The following ZFAND3 variants were observed in gnomAD, a reference collection of about 807,000 sequenced individuals.
The protein encoded by ZFAND3 is AN1-type zinc finger protein 3.
ZFAND3 carries 10 observed loss-of-function variants against 29.6 expected under a neutral mutation model. That is an observed-to-expected ratio of 0.34 (90% CI 0.21 to 0.57). The LOEUF is 0.57. Among genes scored for constraint, ZFAND3 ranks in the 20% least tolerant of loss-of-function variants. The pLI is 0.86. For synonymous variants in ZFAND3, 128 were observed against 112.6 expected, an observed-to-expected ratio of 1.14 and a Z score of -0.87; for missense variants, 230 against 304.5, an observed-to-expected ratio of 0.76 and a Z score of 1.82.
chr6:38,003,118 T>G (rs999571579), intron 2 of ZFAND3: 2 of 153,346 alleles, frequency 1.3e-5, no homozygotes, highest in Admixed American at 6.5e-5. Context: ...ATATAGAGAT[T>G]TGTTGAAAGG....
intron 5 of ZFAND3, among the ~76,000 whole-genome samples, chr6:38,144,211 AATATATAATATATATATATAT>A (rs1766045615): frequency 2.8e-4 from 13 of 45,836 alleles, no homozygotes; most frequent in African/African-American, 5.0e-4. Context: ...ATATATATAT[AATATATAATATATATATATAT>A]TTTTTTTTTA....
intron 4 of ZFAND3, among the ~76,000 whole-genome samples, chr6:38,088,642 A>C (rs1764803351): frequency 1.3e-5 from 2 of 152,208 alleles, no homozygotes; most frequent in South Asian, 4.1e-4. Flanking sequence ...AAGTTTGTGG[A>C]CTTGACAGTA....
At chr6:37,962,638 C>T (rs548616889) in intron 2 of ZFAND3, among the ~76,000 whole-genome samples, 18 of 152,082 alleles carry the variant, frequency 1.2e-4, no homozygotes, top group Admixed American at 3.9e-4. Context: ...CACCAATCAG[C>T]GCTCTGTGTC....
At chr6:37,940,582 C>T (rs752587542) in intron 2 of ZFAND3, among the ~76,000 whole-genome samples, 3 of 152,052 alleles carry the variant, frequency 2.0e-5, no homozygotes, top group Non-Finnish European at 2.9e-5. Context: ...GTTTGATTGG[C>T]TCACAGTTCT....
intron 2 of ZFAND3, among the ~76,000 whole-genome samples, chr6:37,969,576 G>A (rs1310927837): frequency 6.6e-6 from 1 of 152,132 alleles, no homozygotes; most frequent in African/African-American, 2.4e-5. Flanking sequence ...TCAAAGTATG[G>A]TTTCTACTGA....
chr6:37,966,829 A>G (rs979474035), intron 2 of ZFAND3, among the ~76,000 whole-genome samples: 1 of 152,070 alleles, frequency 6.6e-6, no homozygotes, highest in Non-Finnish European at 1.5e-5. Flanking sequence ...ATGCCCCTTT[A>G]TTTCCTTCTG....
At chr6:37,865,144 C>T (rs892972346) in intron 1 of ZFAND3, among the ~76,000 whole-genome samples, 3 of 152,154 alleles carry the variant, frequency 2.0e-5, no homozygotes, top group Non-Finnish European at 4.4e-5. Flanking sequence ...TGCCACTGCA[C>T]TCCAGCCTGG....
chr6:37,831,366 C>A (rs758008363), intron 1 of ZFAND3, among the ~76,000 whole-genome samples: 7 of 152,142 alleles, frequency 4.6e-5, no homozygotes, highest in Non-Finnish European at 1.0e-4. Context: ...AGTTTCTGAC[C>A]AGCTTTTGGC....
intron 1 of ZFAND3, among the ~76,000 whole-genome samples, chr6:37,889,393 A>G (rs1045801597): frequency 1.3e-5 from 2 of 152,190 alleles, no homozygotes; most frequent in Non-Finnish European, 2.9e-5. Flanking sequence ...ATGGATTGCT[A>G]TACTGGCTTA....
At chr6:38,100,524 C>T (rs1296257722) in intron 4 of ZFAND3, among the ~76,000 whole-genome samples, 1 of 152,206 alleles carries the variant, frequency 6.6e-6, no homozygotes, top group Non-Finnish European at 1.5e-5. Context: ...TGAGTAATCA[C>T]TGAAGTGTAC....
At chr6:37,883,306 G>A (rs571385382) in intron 1 of ZFAND3, among the ~76,000 whole-genome samples, 3 of 152,252 alleles carry the variant, frequency 2.0e-5, no homozygotes, top group Non-Finnish European at 4.4e-5. Context: ...TACAAGCAGT[G>A]TACAAAGCAC....
intron 2 of ZFAND3, among the ~76,000 whole-genome samples, chr6:37,938,902 A>T (rs1476715960): frequency 6.6e-6 from 1 of 152,208 alleles, no homozygotes; most frequent in Non-Finnish European, 1.5e-5. Flanking sequence ...CATGTGTTAG[A>T]GTATGATAGG....
At chr6:37,867,857 A>G (rs77803369) in intron 1 of ZFAND3, among the ~76,000 whole-genome samples, 9,982 of 152,256 alleles carry the variant, frequency 0.066, 390 homozygotes, top group Non-Finnish European at 0.085. Flanking sequence ...TTTGGGTGAA[A>G]GACTGGATTC....
At chr6:37,842,070 C>T (rs991575655) in intron 1 of ZFAND3, among the ~76,000 whole-genome samples, 1 of 152,126 alleles carries the variant, frequency 6.6e-6, no homozygotes, top group Non-Finnish European at 1.5e-5. Context: ...CCTTCATCCT[C>T]TTTTATAAAG....
At chr6:37,872,339 T>C (rs1321957250) in intron 1 of ZFAND3, among the ~76,000 whole-genome samples, 1 of 152,258 alleles carries the variant, frequency 6.6e-6, no homozygotes, top group Non-Finnish European at 1.5e-5. Context: ...CCAGAGTTTA[T>C]GGTTTTTACG....
intron 1 of ZFAND3, among the ~76,000 whole-genome samples, chr6:37,878,070 T>G (rs1259306181): frequency 2.0e-5 from 3 of 152,102 alleles, no homozygotes; most frequent in Non-Finnish European, 4.4e-5. Context: ...GTAGGCAGAT[T>G]GGAAACAAAT....
chr6:37,959,762 T>G (rs538045030), intron 2 of ZFAND3, among the ~76,000 whole-genome samples: 1 of 152,332 alleles, frequency 6.6e-6, no homozygotes, highest in East Asian at 1.9e-4. Context: ...AACTTTCATC[T>G]TCTAGATCCA....
intron 2 of ZFAND3, among the ~76,000 whole-genome samples, chr6:37,980,276 C>T (rs573763948): frequency 2.6e-5 from 4 of 152,092 alleles, no homozygotes; most frequent in South Asian, 2.1e-4. Context: ...TAACCTGCCT[C>T]GCTTGGATGT....
chr6:38,063,954 A>G (rs913879900), intron 3 of ZFAND3, among the ~76,000 whole-genome samples: 4 of 145,538 alleles, frequency 2.7e-5, no homozygotes, highest in East Asian at 2.0e-4. Flanking sequence ...ATAAGAGGAG[A>G]AAAAAAAAAA....
Sources: allele counts gnomAD v4.1 joint callset (sites outside exome capture counted in the v4.1 genomes callset), GRCh38; gene constraint gnomAD v4.1.1; transcripts MANE v1.5; gene names NCBI Gene and HGNC (gene_info 2026-07-23, HGNC 2026-07-21).